The following CCDC150 variants were observed in gnomAD, a reference collection of about 807,000 sequenced individuals.
The protein encoded by CCDC150 is coiled-coil domain-containing protein 150.
In CCDC150, 151 loss-of-function variants were observed where a neutral mutation model predicts 156.5. The observed-to-expected ratio is 0.97, with a 90% CI of 0.85 to 1.10. The LOEUF (loss-of-function observed/expected upper bound fraction) is 1.10. CCDC150 is among the 50% of genes least tolerant of loss of function. The pLI is 0.00. For synonymous variants in CCDC150, 452 were observed against 429.4 expected (o/e 1.05, Z -0.65); for missense variants, 1,312 against 1,268.1 (o/e 1.03, Z -0.53).
intron 1 of CCDC150, among the ~76,000 whole-genome samples, chr2:196,644,329 G>T (rs761437840): frequency 6.6e-6 from 1 of 152,060 alleles, no homozygotes; most frequent in East Asian, 1.9e-4. Context: ...TTTATCTCTA[G>T]GTCAGTAGCT....
At chr2:196,679,883 A>G (rs1694720319) in intron 13 of CCDC150, among the ~76,000 whole-genome samples, 1 of 152,154 alleles carries the variant, frequency 6.6e-6, no homozygotes, top group South Asian at 2.1e-4. Flanking sequence ...GCTTCTTTTC[A>G]TGCACTTATT....
At chr2:196,709,651 C>T (rs1482561447) in intron 15 of CCDC150, among the ~76,000 whole-genome samples, 2 of 152,132 alleles carry the variant, frequency 1.3e-5, no homozygotes, top group African/African-American at 4.8e-5. Flanking sequence ...TTTTATCTAC[C>T]TTTGGTCTTT....
intron 13 of CCDC150, among the ~76,000 whole-genome samples, chr2:196,688,758 AT>A (rs1695265569): frequency 6.6e-6 from 1 of 151,574 alleles, no homozygotes; most frequent in Non-Finnish European, 1.5e-5. Flanking sequence ...ATTAGATCCC[AT>A]TTGTCAATTT....
chr2:196,720,281 T>C, intron 19 of CCDC150: 1 of 355,068 alleles, frequency 2.8e-6, no homozygotes. Flanking sequence ...GTTTATCTTT[T>C]TTACATAGTA....
At chr2:196,693,399 G>T (rs566780344) in intron 13 of CCDC150, among the ~76,000 whole-genome samples, 1 of 152,132 alleles carries the variant, frequency 6.6e-6, no homozygotes, top group Non-Finnish European at 1.5e-5. Context: ...TGTACTTAAA[G>T]AATTTCATAG....
intron 14 of CCDC150, among the ~76,000 whole-genome samples, chr2:196,696,661 G>C (rs1695849731): frequency 6.6e-6 from 1 of 152,202 alleles, no homozygotes; most frequent in Non-Finnish European, 1.5e-5. Flanking sequence ...AAGCGTCTCT[G>C]ACCATGCCTG....
chr2:196,715,208 T>C (rs1021258243), intron 17 of CCDC150, among the ~76,000 whole-genome samples: 2 of 152,170 alleles, frequency 1.3e-5, no homozygotes, highest in Non-Finnish European at 1.5e-5. Context: ...GGTCACTTAC[T>C]GAAGTATTGC....
chr2:196,668,295 T>TAAAAAAAAAAAAAAAAAAAAAAAAAAAAA (rs55945331), intron 7 of CCDC150, among the ~76,000 whole-genome samples: 1 of 92,256 alleles, frequency 1.1e-5, no homozygotes, highest in Non-Finnish European at 2.2e-5. Flanking sequence ...AAACTCCATC[T>TAAAAAAAAAAAAAAAAAAAAAAAAAAAAA]AAAAAAAAAA....
intron 15 of CCDC150, among the ~76,000 whole-genome samples, chr2:196,711,799 A>G (rs1490990210): frequency 1.3e-5 from 2 of 152,088 alleles, no homozygotes; most frequent in African/African-American, 4.8e-5. Context: ...TTTGAATGCC[A>G]GGTACCACAA....
At chr2:196,716,877 CAG>C (rs1392527836) in intron 17 of CCDC150, among the ~76,000 whole-genome samples, 1 of 91,336 alleles carries the variant, frequency 1.1e-5, no homozygotes, top group African/African-American at 4.5e-5. Flanking sequence ...TTTTTTGAGA[CAG>C]AGAGTCTCGC....
Position 196,657,123 on chromosome 2 carries a change from C to T in CCDC150, c.563C>T (p.Ala188Val). ...VQRLTATLKIASQTKKNAAII... is the reference protein window; with the variant it reads ...VQRLTATLKIVSQTKKNAAII... Reference sequence around the variant, plus strand: ...AGGTTGACTGCCACTCTGAAGATTGCCTCGCAGACAAAGGTTTGAGTCTAA... The same window carrying T: ...AGGTTGACTGCCACTCTGAAGATTGTCTCGCAGACAAAGGTTTGAGTCTAA... The change falls in exon 4 of 28, where the codon GCC becomes GTC. Residue 188 changes from alanine (A) to valine (V), a missense_variant. By Grantham distance (64) the Ala-to-Val change is moderately conservative. Transcript: ENST00000389175. The T allele has an allele frequency of 6.2e-7, 1 of 1,613,618 alleles. No homozygotes were observed. Among genetic ancestry groups the T allele is most frequent in the African/African-American group, 1.3e-5 (1 of 75,046 alleles).
chr2:196,652,549 A>G (rs1163631528), intron 2 of CCDC150, among the ~76,000 whole-genome samples: 1 of 152,246 alleles, frequency 6.6e-6, no homozygotes, highest in Non-Finnish European at 1.5e-5. Flanking sequence ...TGCATGTTGC[A>G]GCCTCCATGG....
chr2:196,656,611 T>A (rs1314020820), intron 2 of CCDC150, 22 bp from the exon 3 acceptor site: 7 of 1,521,710 alleles, frequency 4.6e-6, no homozygotes, highest in Non-Finnish European at 6.3e-6. Flanking sequence ...CATAATATTG[T>A]TATATTGGGA....
At position 196,730,920 on chromosome 2, in the gene CCDC150, A is replaced by G. The variant is rs146190482; in HGVS notation, c.3044A>G (p.Lys1015Arg). The change falls in exon 26 of 28, where the codon AAA becomes AGA. Residue 1015 changes from lysine to arginine, a missense_variant. By Grantham distance (26) the Lys-to-Arg change is conservative (BLOSUM62 2). Coordinates refer to ENST00000389175, the MANE Select transcript of CCDC150 (RefSeq NM_001080539.2). Reference sequence around the variant, plus strand: ...AAAGAGGCAACAGAGAATACGCTGAAAGAAGCCAGTGTGGAATCAGAACAG... The same window carrying G: ...AAAGAGGCAACAGAGAATACGCTGAGAGAAGCCAGTGTGGAATCAGAACAG... ...KCKEATENTLKEASVESEQIT... is the reference protein window; with the variant it reads ...KCKEATENTLREASVESEQIT... 445 of 1,600,294 alleles carry G rather than the reference A, an allele frequency of 2.8e-4. 3 individuals carry two copies. The East Asian group carries it at 9.7e-3, about 35-fold the overall frequency.
chr2:196,669,847 C>T lies in CCDC150; in HGVS notation c.907C>T (p.Leu303Phe), dbSNP rs747418854. 52 of 1,610,424 alleles carry T rather than the reference C, an allele frequency of 3.2e-5. No individual in the cohort carries two copies. Among genetic ancestry groups the T allele is most frequent in the Non-Finnish European group, 1.7e-5 (20 of 1,177,884 alleles). ...LKSDLTSRDDLISKLVEENKN... is the reference protein window; with the variant it reads ...LKSDLTSRDDFISKLVEENKN... Reference sequence around the variant, plus strand: ...TTTGTTTTTAGCTTCTAGAGATGACCTCATTTCCAAGTTGGTTGAAGAAAA... The same window carrying T: ...TTTGTTTTTAGCTTCTAGAGATGACTTCATTTCCAAGTTGGTTGAAGAAAA... The change falls in exon 8 of 28, where the codon CTC becomes TTC. Residue 303 changes from leucine to phenylalanine, a missense_variant. Leu to Phe is a conservative substitution (Grantham distance 22). Transcript: ENST00000389175.
At chr2:196,661,600 A>C (rs1210399665) in intron 5 of CCDC150, among the ~76,000 whole-genome samples, 1 of 152,198 alleles carries the variant, frequency 6.6e-6, no homozygotes, top group Non-Finnish European at 1.5e-5. Flanking sequence ...AGAATTTTGG[A>C]AGACACAATT....
chr2:196,681,199 A>G (rs557245923), intron 13 of CCDC150, among the ~76,000 whole-genome samples: 33 of 152,320 alleles, frequency 2.2e-4, no homozygotes, highest in African/African-American at 6.5e-4. Flanking sequence ...ATATAAATAT[A>G]ATCATACAAT....
intron 17 of CCDC150, among the ~76,000 whole-genome samples, chr2:196,717,491 A>G (rs1256098804): frequency 6.6e-6 from 1 of 152,200 alleles, no homozygotes; most frequent in Non-Finnish European, 1.5e-5. Flanking sequence ...AATGGCAAAA[A>G]TTGAATAAAT....
chr2:196,651,973 C>G (rs1234048714), intron 2 of CCDC150, among the ~76,000 whole-genome samples: 1 of 152,058 alleles, frequency 6.6e-6, no homozygotes, highest in African/African-American at 2.4e-5. Flanking sequence ...TACCAGGCCC[C>G]TTTAAACAAC....
Sources: gnomAD v4.1 joint callset for allele counts (sites outside exome capture counted in the v4.1 genomes callset) on GRCh38, gnomAD v4.1.1 for gene constraint, MANE v1.5 for transcripts, NCBI Gene and HGNC (gene_info 2026-07-23, HGNC 2026-07-21) for gene names.